Variants in CHRM3 observed in about 807,000 individuals in gnomAD.
CHRM3 encodes cholinergic receptor muscarinic 3, also known as muscarinic acetylcholine receptor M3.
A neutral mutation model predicts 41.8 loss-of-function variants in CHRM3; 11 were observed. The ratio of observed to expected loss-of-function variants is 0.26; its 90% confidence interval spans 0.17 to 0.44. The LOEUF (loss-of-function observed/expected upper bound fraction) is 0.44. Ranked by LOEUF, CHRM3 falls within the 20% of genes least tolerant of loss-of-function variation. The pLI, the probability that CHRM3 is intolerant of heterozygous loss-of-function variation, is 1.00. For missense variants in CHRM3, 571 were observed against 745.4 expected, an observed-to-expected ratio of 0.77 and a Z score of 2.72; for synonymous variants, 297 against 301.4, an observed-to-expected ratio of 0.99 and a Z score of 0.15.
chr1:239,637,941 T>C (rs1254190807), intron 4 of CHRM3, among the ~76,000 whole-genome samples: 16 of 112,980 alleles, frequency 1.4e-4, no homozygotes, highest in African/African-American at 5.2e-4. Context: ...GTCCCCAGAG[T>C]GTGATGTTCC....
intron 4 of CHRM3, among the ~76,000 whole-genome samples, chr1:239,645,767 AG>A (rs1671691983): frequency 6.6e-6 from 1 of 151,788 alleles, no homozygotes; most frequent in Non-Finnish European, 1.5e-5. Context: ...ATGTAACAAA[AG>A]AACGGCCATA....
chr1:239,742,678 A>G (rs763597667), intron 5 of CHRM3, among the ~76,000 whole-genome samples: 1 of 152,200 alleles, frequency 6.6e-6, no homozygotes, highest in African/African-American at 2.4e-5. Flanking sequence ...AGTTGGGAAC[A>G]TGTTTAATTT....
intron 5 of CHRM3, among the ~76,000 whole-genome samples, chr1:239,781,879 G>A (rs943005597): frequency 5.3e-5 from 8 of 151,792 alleles, no homozygotes; most frequent in African/African-American, 1.9e-4. Flanking sequence ...TAATCAAGTT[G>A]TTTTTCATCT....
chr1:239,721,862 A>G (rs954296379), intron 5 of CHRM3, among the ~76,000 whole-genome samples: 2 of 151,914 alleles, frequency 1.3e-5, no homozygotes, highest in Admixed American at 1.3e-4. Context: ...GTGTGGCATG[A>G]AAAAATAAAT....
At chr1:239,902,096 C>T (rs1276513561) in intron 6 of CHRM3, among the ~76,000 whole-genome samples, 1 of 152,046 alleles carries the variant, frequency 6.6e-6, no homozygotes, top group Non-Finnish European at 1.5e-5. Context: ...CTTCTCTCTA[C>T]CAGAGTATTT....
At chr1:239,509,806 G>A (rs1436638646) in intron 2 of CHRM3, among the ~76,000 whole-genome samples, 1 of 152,060 alleles carries the variant, frequency 6.6e-6, no homozygotes, top group African/African-American at 2.4e-5. Flanking sequence ...AAGTTTTAAG[G>A]GCCAGGTGTG....
chr1:239,543,519 T>A (rs1035045995), intron 2 of CHRM3, among the ~76,000 whole-genome samples: 9 of 152,058 alleles, frequency 5.9e-5, no homozygotes, highest in South Asian at 2.1e-4. Flanking sequence ...TTTTATTTTT[T>A]TTTTTTGTGA....
chr1:239,426,222 G>T (rs1282708722), intron 1 of CHRM3, among the ~76,000 whole-genome samples: 3 of 138,864 alleles, frequency 2.2e-5, no homozygotes, highest in Non-Finnish European at 4.6e-5. Context: ...TGGAGAAATA[G>T]GAACACTTTT....
At position 239,907,574 on chromosome 1, in the gene CHRM3, T is replaced by A. The variant is rs1191273726; in HGVS notation, c.123T>A (p.Asn41Lys). The change falls in exon 7 of 7, where the codon AAT (asparagine) becomes AAA (lysine). Residue 41 changes from asparagine (N) to lysine (K), a missense_variant. Transcript: ENST00000676153. This position sits in a 1 kb window ranked among gnomAD's most constrained non-coding sequence, Gnocchi z 5.4. Reference sequence around the variant, plus strand: ...CCGTCACTCATTTCGGCAGCTACAATGTTTCTCGAGCAGCTGGCAATTTCT... The same window carrying A: ...CCGTCACTCATTTCGGCAGCTACAAAGTTTCTCGAGCAGCTGGCAATTTCT... ...PGTVTHFGSY[N>K]VSRAAGNFSS... 1 of 1,614,006 alleles carries A rather than the reference T, an allele frequency of 6.2e-7. No individual in the cohort carries two copies. Among genetic ancestry groups the A allele is most frequent in the Non-Finnish European group, 8.5e-7 (1 of 1,180,024 alleles).
intron 5 of CHRM3, among the ~76,000 whole-genome samples, chr1:239,688,558 A>G (rs1558455899): frequency 7.3e-6 from 1 of 136,812 alleles, no homozygotes; most frequent in Non-Finnish European, 1.5e-5. Context: ...TTTATATAAC[A>G]TATATTATAT....
At chr1:239,555,939 T>C (rs1660307823) in intron 3 of CHRM3, among the ~76,000 whole-genome samples, 1 of 152,200 alleles carries the variant, frequency 6.6e-6, no homozygotes, top group South Asian at 2.1e-4. Context: ...TCATGCACCG[T>C]GCTGAGATGG....
At chr1:239,755,984 A>T (rs113076178) in intron 5 of CHRM3, among the ~76,000 whole-genome samples, 2 of 152,236 alleles carry the variant, frequency 1.3e-5, no homozygotes, top group African/African-American at 4.8e-5. Flanking sequence ...TAGATGAGGC[A>T]GTTGTATGTA....
intron 4 of CHRM3, among the ~76,000 whole-genome samples, chr1:239,651,949 C>G (rs1000710399): frequency 2.7e-5 from 4 of 149,978 alleles, no homozygotes; most frequent in Non-Finnish European, 4.4e-5. Context: ...TTAAGTATGG[C>G]TGTGTTTTAC....
At chr1:239,559,051 C>T (rs1443502504) in intron 3 of CHRM3, among the ~76,000 whole-genome samples, 2 of 152,148 alleles carry the variant, frequency 1.3e-5, no homozygotes, top group Non-Finnish European at 2.9e-5. Context: ...CCAATATGCA[C>T]TTCCTTAACC....
chr1:239,502,901 G>A (rs941182623), intron 2 of CHRM3, among the ~76,000 whole-genome samples: 5 of 152,076 alleles, frequency 3.3e-5, no homozygotes, highest in Admixed American at 6.5e-5. Flanking sequence ...GCATACAAGG[G>A]ATATACCTCA....
At chr1:239,781,458 A>G (rs2148803223) in intron 5 of CHRM3, among the ~76,000 whole-genome samples, 1 of 152,300 alleles carries the variant, frequency 6.6e-6, no homozygotes, top group South Asian at 2.1e-4. Context: ...ACATTGCTAC[A>G]ATTGCTTATT....
At chr1:239,544,146 A>G (rs1252102533) in intron 2 of CHRM3, among the ~76,000 whole-genome samples, 1 of 152,172 alleles carries the variant, frequency 6.6e-6, no homozygotes, top group Non-Finnish European at 1.5e-5. Context: ...TCTGCAGAGT[A>G]AATTGGGATC....
chr1:239,894,812 A>C (rs1011272499), intron 6 of CHRM3, among the ~76,000 whole-genome samples: 1 of 152,000 alleles, frequency 6.6e-6, no homozygotes, highest in Non-Finnish European at 1.5e-5. Context: ...GAATCACTTA[A>C]CCATACAGTA....
At chr1:239,637,363 T>C (rs908874295) in intron 4 of CHRM3, among the ~76,000 whole-genome samples, 4 of 152,072 alleles carry the variant, frequency 2.6e-5, no homozygotes, top group Non-Finnish European at 4.4e-5. Context: ...TTAAAAATTT[T>C]AATATTGATG....
Sources: gnomAD v4.1 joint callset for allele counts (sites outside exome capture counted in the v4.1 genomes callset) on GRCh38, gnomAD v4.1.1 for gene constraint, Gnocchi (gnomAD v3.1) non-coding constraint, MANE v1.5 for transcripts, NCBI Gene and HGNC (gene_info 2026-07-23, HGNC 2026-07-21) for gene names.